SUGCT: variants seen among roughly 807,000 people sequenced by gnomAD.
SUGCT encodes the protein succinyl-CoA:glutarate CoA-transferase.
Under a neutral mutation model 55.0 loss-of-function variants are expected in SUGCT, and 41 were observed. The observed-to-expected ratio is 0.74, with a 90% CI of 0.58 to 0.97. The LOEUF (loss-of-function observed/expected upper bound fraction) is 0.97, where lower values mean the gene tolerates loss of function less well. Ranked by LOEUF, SUGCT falls within the 50% of genes least tolerant of loss-of-function variation. The pLI, the probability that SUGCT is intolerant of heterozygous loss-of-function variation, is 0.00. For synonymous variants in SUGCT, 187 were observed against 200.4 expected (o/e 0.93, Z 0.56); for missense variants, 568 against 547.8 (o/e 1.04, Z -0.37).
the SUGCT span, among the ~76,000 whole-genome samples, chr7:41,023,064 G>C: frequency 7.9e-5 from 12 of 152,296 alleles, no homozygotes; most frequent in Admixed American, 3.3e-4. Flanking sequence ...TATATGATGT[G>C]AGCTGAAGTG....
chr7:40,704,402 A>C (rs1021685482), intron 12 of SUGCT, among the ~76,000 whole-genome samples: 3 of 152,154 alleles, frequency 2.0e-5, no homozygotes, highest in Admixed American at 2.0e-4. Flanking sequence ...TACCTAACCA[A>C]GTGGACAATA....
intron 12 of SUGCT, among the ~76,000 whole-genome samples, chr7:40,679,728 G>T (rs1784158129): frequency 6.6e-6 from 1 of 152,140 alleles, no homozygotes; most frequent in South Asian, 2.1e-4. Flanking sequence ...AGAAGGTAGA[G>T]TCCTGAGTCC....
At position 40,712,251 on chromosome 7, in the gene SUGCT, C is replaced by T. The variant is rs570406520; in HGVS notation, c.1090-37183C>T. On this transcript the variant is annotated intron_variant, in intron 12 of 13. Transcript: ENST00000335693. Reference sequence around the variant, plus strand: ...GGAATGGTGTTTGTTAAAGGAGCAACGCTAACAGAGAAGTTGATAGGTGAG... The same window carrying T: ...GGAATGGTGTTTGTTAAAGGAGCAATGCTAACAGAGAAGTTGATAGGTGAG... 5.0e-4 allele frequency among the ~76,000 whole-genome samples: 76 copies of T among 152,312 alleles called. 1 individual carries two copies. In the Middle Eastern group the frequency reaches 0.01, roughly 20 times the overall value.
intron 12 of SUGCT, among the ~76,000 whole-genome samples, chr7:40,670,094 T>C (rs1211051000): frequency 7.0e-6 from 1 of 143,050 alleles, no homozygotes; most frequent in Non-Finnish European, 1.5e-5. Context: ...TGAATGCCAG[T>C]AGCTTTCTCA....
intron 12 of SUGCT, among the ~76,000 whole-genome samples, chr7:40,699,725 C>T (rs917959995): frequency 4.0e-5 from 6 of 151,812 alleles, no homozygotes; most frequent in Non-Finnish European, 7.4e-5. Flanking sequence ...AAAAATGAGC[C>T]GAGCCTGGTG....
chr7:40,763,136 A>C (rs1001182107), intron 13 of SUGCT, among the ~76,000 whole-genome samples: 1 of 152,122 alleles, frequency 6.6e-6, no homozygotes, highest in Non-Finnish European at 1.5e-5. Context: ...AATTTTATGC[A>C]TTGTATTATA....
intron 9 of SUGCT, among the ~76,000 whole-genome samples, chr7:40,366,865 C>G (rs1433679592): frequency 6.6e-6 from 1 of 152,156 alleles, no homozygotes; most frequent in Non-Finnish European, 1.5e-5. Flanking sequence ...GGCGATTCCT[C>G]AGGGATCTCG....
intron 5 of SUGCT, 137 bp from the exon 6 acceptor site, chr7:40,194,803 G>A (rs1272270198): frequency 1.0e-6 from 1 of 1,001,644 alleles, no homozygotes; most frequent in African/African-American, 1.6e-5. Flanking sequence ...GAACTTCTAT[G>A]TTTATCTAAT....
chr7:40,732,957 C>T (rs1452907764), intron 12 of SUGCT, among the ~76,000 whole-genome samples: 1 of 152,144 alleles, frequency 6.6e-6, no homozygotes, highest in Non-Finnish European at 1.5e-5. Flanking sequence ...TGTCTGTAAT[C>T]CCAGCTATTT....
At chr7:41,027,584 C>T in the SUGCT span, among the ~76,000 whole-genome samples, 2 of 152,102 alleles carry the variant, frequency 1.3e-5, no homozygotes, top group African/African-American at 2.4e-5. Context: ...TTTGTCCATC[C>T]ACTTTATATG....
At chr7:40,947,004 C>T in the SUGCT span, among the ~76,000 whole-genome samples, 1 of 151,978 alleles carries the variant, frequency 6.6e-6, no homozygotes, top group African/African-American at 2.4e-5. Context: ...TAATATTTTT[C>T]TTCAAGTTTG....
At chr7:40,557,925 C>T (rs1017994413) in intron 12 of SUGCT, among the ~76,000 whole-genome samples, 2 of 151,332 alleles carry the variant, frequency 1.3e-5, no homozygotes, top group Admixed American at 6.6e-5. Context: ...AACAAATAAC[C>T]CAGTTAAAAA....
At chr7:40,333,713 A>G (rs1796491464) in intron 9 of SUGCT, among the ~76,000 whole-genome samples, 1 of 136,554 alleles carries the variant, frequency 7.3e-6, no homozygotes, top group Admixed American at 7.5e-5. Context: ...AAATATTTAT[A>G]AAATACACAC....
At chr7:40,282,064 G>A (rs1792986624) in intron 8 of SUGCT, among the ~76,000 whole-genome samples, 1 of 152,038 alleles carries the variant, frequency 6.6e-6, no homozygotes, top group African/African-American at 2.4e-5. Context: ...CAAGAGTGCT[G>A]GGATTACAGG....
At chr7:40,388,264 G>A (rs930763431) in intron 9 of SUGCT, 4 of 152,104 alleles carry the variant, frequency 2.6e-5, no homozygotes, top group African/African-American at 9.7e-5. Flanking sequence ...CAGGCATTTA[G>A]TGAAGCAAGC....
chr7:40,902,577 C>A, the SUGCT span, among the ~76,000 whole-genome samples: 4 of 15,336 alleles, frequency 2.6e-4, no homozygotes, highest in African/African-American at 6.0e-4. Flanking sequence ...GAGACTCCAT[C>A]TCAAAAAAAA....
chr7:40,511,550 C>G (rs1792931751), intron 12 of SUGCT, among the ~76,000 whole-genome samples: 1 of 152,034 alleles, frequency 6.6e-6, no homozygotes. Context: ...ATAATTTTAC[C>G]ATGATTAGGT....
intron 12 of SUGCT, among the ~76,000 whole-genome samples, chr7:40,579,800 C>G (rs1796975869): frequency 6.6e-6 from 1 of 152,104 alleles, no homozygotes; most frequent in Non-Finnish European, 1.5e-5. Flanking sequence ...CTGACATACC[C>G]AATGTGAGGC....
intron 8 of SUGCT, among the ~76,000 whole-genome samples, chr7:40,285,451 TTTTA>T (rs769625314): frequency 2.3e-3 from 346 of 150,546 alleles, no homozygotes; most frequent in African/African-American, 7.5e-3. Flanking sequence ...GAATTTTAAA[TTTTA>T]TTTATTTATT....
Sources: allele counts gnomAD v4.1 joint callset (sites outside exome capture counted in the v4.1 genomes callset), GRCh38; gene constraint gnomAD v4.1.1; transcripts MANE v1.5; gene names NCBI Gene and HGNC (gene_info 2026-07-23, HGNC 2026-07-21).